Variants in ENTPD5 observed in about 807,000 individuals in gnomAD.
The protein encoded by ENTPD5 is nucleoside diphosphate phosphatase ENTPD5.
In ENTPD5, 49 loss-of-function variants were observed where a neutral mutation model predicts 60.2. That is an observed-to-expected ratio of 0.81 (90% CI 0.65 to 1.03). The LOEUF (loss-of-function observed/expected upper bound fraction) is 1.03. Ranked by LOEUF, ENTPD5 falls within the 50% of genes least tolerant of loss-of-function variation. The pLI is 0.00. For synonymous variants in ENTPD5, 187 were observed against 185.4 expected (o/e 1.01, Z -0.07); for missense variants, 480 against 507.6 (o/e 0.95, Z 0.52).
At chr14:73,978,916 G>A (rs4903162) in intron 6 of ENTPD5, among the ~76,000 whole-genome samples, 95,884 of 150,410 alleles carry the variant, frequency 0.64, 30,803 homozygotes, top group South Asian at 0.74. Flanking sequence ...GTCTCAAAAA[G>A]AAAAAAGAAA....
At position 73,997,282 on chromosome 14, in the gene ENTPD5, TG is replaced by T. The variant is rs371033984; in HGVS notation, c.-70-9111del. ...AATCAGATTTCAAAAGGAGTGGACT[TG>T]TTTTCCTTTCCCATAGTGAGATTGA... On this transcript the variant is annotated intron_variant, in intron 3 of 15. Transcript: ENST00000334696. 9.9e-4 allele frequency among the ~76,000 whole-genome samples: 151 copies of T among 152,248 alleles called. 1 individual carries two copies. The East Asian group carries it at 0.021, about 21-fold the overall frequency.
At chr14:74,008,905 T>C (rs950295981) in intron 3 of ENTPD5, 1 of 152,256 alleles carries the variant, frequency 6.6e-6, no homozygotes, top group Non-Finnish European at 1.5e-5. Context: ...TTGATGTCAC[T>C]GGTAGTTATC....
At chr14:73,969,159 G>C (rs1207828458) in intron 15 of ENTPD5, among the ~76,000 whole-genome samples, 1 of 152,130 alleles carries the variant, frequency 6.6e-6, no homozygotes, top group African/African-American at 2.4e-5. Flanking sequence ...CTCCAAATAG[G>C]GCAAGTTTGT....
intron 8 of ENTPD5, 135 bp from the exon 9 acceptor site, chr14:73,976,547 T>C: frequency 6.0e-6 from 4 of 662,572 alleles, no homozygotes; most frequent in African/African-American, 1.8e-5. Context: ...TGCAGGTGAA[T>C]GTCAACTCGG....
chr14:73,998,670 G>T (rs1203736570), intron 3 of ENTPD5, among the ~76,000 whole-genome samples: 1 of 152,072 alleles, frequency 6.6e-6, no homozygotes, highest in Non-Finnish European at 1.5e-5. Flanking sequence ...CTTCAAAGCT[G>T]GGATGATGGA....
intron 15 of ENTPD5, among the ~76,000 whole-genome samples, chr14:73,968,061 T>C (rs1246726613): frequency 6.6e-6 from 1 of 151,124 alleles, no homozygotes; most frequent in Non-Finnish European, 1.5e-5. Context: ...GAGGTGGAGG[T>C]TGCAGTGAGC....
chr14:73,961,774 A>T, downstream of ENTPD5: 1 of 1,614,170 alleles, frequency 6.2e-7, no homozygotes, highest in Non-Finnish European at 8.5e-7. Context: ...AAACAGAAAG[A>T]CAGCGTCACA....
chr14:73,995,364 T>C (rs1014051398), intron 3 of ENTPD5, among the ~76,000 whole-genome samples: 2 of 152,066 alleles, frequency 1.3e-5, no homozygotes, highest in African/African-American at 4.8e-5. Flanking sequence ...CAGGAATTTT[T>C]ATCTGTTTTG....
downstream of ENTPD5, chr14:73,959,891 G>A: frequency 8.2e-7 from 1 of 1,219,974 alleles, no homozygotes; most frequent in African/African-American, 1.6e-5. Flanking sequence ...TTTGAGTCAG[G>A]AAAAAGGAGT....
At chr14:74,018,504 T>C (rs1390951821) in intron 1 of ENTPD5, 2 of 152,228 alleles carry the variant, frequency 1.3e-5, no homozygotes, top group Non-Finnish European at 2.9e-5. Context: ...CTGACTCTCA[T>C]TGAAAAATGA....
intron 3 of ENTPD5, among the ~76,000 whole-genome samples, chr14:74,003,834 T>C (rs551042097): frequency 6.6e-6 from 1 of 152,048 alleles, no homozygotes; most frequent in African/African-American, 2.4e-5. Flanking sequence ...TGGTGCCTCA[T>C]GCCTGTAAAT....
At chr14:73,973,150 A>C (rs1472862572) in intron 12 of ENTPD5, 126 bp from the exon 13 acceptor site, 3 of 1,169,362 alleles carry the variant, frequency 2.6e-6, no homozygotes, top group Non-Finnish European at 3.6e-6. Context: ...GAGAAGGCTG[A>C]GGCTTGGGAC....
intron 3 of ENTPD5, among the ~76,000 whole-genome samples, chr14:74,005,518 G>T (rs1047897416): frequency 2.6e-5 from 4 of 152,060 alleles, no homozygotes; most frequent in African/African-American, 9.6e-5. Context: ...TCTTAAAAAT[G>T]AACAACTGGC....
downstream of ENTPD5, chr14:73,956,011 A>G (rs573725606): frequency 3.2e-6 from 5 of 1,584,234 alleles, no homozygotes; most frequent in East Asian, 6.7e-5. Flanking sequence ...CTTTTACAAT[A>G]TTCAGTGTCC....
chr14:74,004,782 T>C (rs1209615350), intron 3 of ENTPD5, among the ~76,000 whole-genome samples: 1 of 152,174 alleles, frequency 6.6e-6, no homozygotes, highest in African/African-American at 2.4e-5. Context: ...ATGTCTTTTA[T>C]GACTTTGTTT....
Position 73,963,244 on chromosome 14 carries a change from G to A in ENTPD5, c.*3684C>T, listed in dbSNP as rs1257018219. 7 of 566,088 alleles carry A rather than the reference G, an allele frequency of 1.2e-5. No homozygotes were observed. Among genetic ancestry groups the A allele is most frequent in the African/African-American group, 7.5e-5 (4 of 53,056 alleles). The allele number at this position is 566,088 out of a possible 1,614,324, so 35.1% of individuals were successfully genotyped here. On this transcript the variant is annotated 3_prime_UTR_variant, in exon 16 of 16. Transcript: ENST00000334696. The stretch of plus-strand genomic sequence containing the variant: ...AAGACTTACAATTTGGTTGAAAAGA[G>A]CTTTTTATTACTAAAAAACCCACAA...
At chr14:73,960,580 C>T (rs2140413308), downstream of ENTPD5, 9 of 1,031,798 alleles carry the variant, frequency 8.7e-6, no homozygotes, top group Non-Finnish European at 1.0e-5. Flanking sequence ...TCTAGGTCCT[C>T]TGCAGTGCAG....
chr14:73,957,130 C>T (rs1029440165), downstream of ENTPD5, among the ~76,000 whole-genome samples: 15 of 150,986 alleles, frequency 9.9e-5, no homozygotes, highest in Admixed American at 9.9e-4. Context: ...TGGAGTCTCG[C>T]TCTGTCGCCC....
At chr14:73,982,731 G>A (rs2057743461) in intron 6 of ENTPD5, among the ~76,000 whole-genome samples, 1 of 152,026 alleles carries the variant, frequency 6.6e-6, no homozygotes, top group Non-Finnish European at 1.5e-5. Flanking sequence ...ACTCCAGCCT[G>A]GGTGACAGAG....
Sources: allele counts gnomAD v4.1 joint callset (sites outside exome capture counted in the v4.1 genomes callset), GRCh38; gene constraint gnomAD v4.1.1; transcripts MANE v1.5; gene names NCBI Gene and HGNC (gene_info 2026-07-23, HGNC 2026-07-21).